VAC14: variants seen among roughly 807,000 people sequenced by gnomAD.
VAC14 encodes the protein VAC14 component of PIKFYVE complex, also known as protein VAC14 homolog.
In VAC14, 47 loss-of-function variants were observed where a neutral mutation model predicts 85.3. The observed-to-expected ratio is 0.55, with a 90% confidence interval of 0.44 to 0.70. The LOEUF (loss-of-function observed/expected upper bound fraction) is 0.70. Among genes scored for constraint, VAC14 ranks in the 30% least tolerant of loss-of-function variants. VAC14 has a pLI of 0.00. For missense variants in VAC14, 861 were observed against 1,004.3 expected, an observed-to-expected ratio of 0.86 and a Z score of 1.93; for synonymous variants, 447 against 430.5, an observed-to-expected ratio of 1.04 and a Z score of -0.47.
intron 13 of VAC14, among the ~76,000 whole-genome samples, chr16:70,736,988 C>A (rs1470384276): frequency 6.6e-6 from 1 of 152,166 alleles, no homozygotes; most frequent in Non-Finnish European, 1.5e-5. Flanking sequence ...GCCTCAGTGG[C>A]CCCCATCGCC....
At chr16:70,782,649 G>A (rs2033869480) in intron 7 of VAC14, among the ~76,000 whole-genome samples, 2 of 152,248 alleles carry the variant, frequency 1.3e-5, no homozygotes, top group African/African-American at 2.4e-5. Context: ...TATGATAAGT[G>A]ACTGCTGTTT....
chr16:70,693,089 A>C, intron 17 of VAC14, 118 bp from the exon 18 acceptor site: 1 of 1,364,452 alleles, frequency 7.3e-7, no homozygotes, highest in Non-Finnish European at 9.8e-7. Flanking sequence ...TGGCACCCAC[A>C]GCCCAAGGAC....
At chr16:70,743,364 C>T (rs2030548071) in intron 13 of VAC14, among the ~76,000 whole-genome samples, 1 of 152,240 alleles carries the variant, frequency 6.6e-6, no homozygotes, top group Non-Finnish European at 1.5e-5. Context: ...AAAAGCTGGC[C>T]ACCCGAGCCA....
intron 14 of VAC14, among the ~76,000 whole-genome samples, chr16:70,727,337 T>C (rs1485854535): frequency 2.0e-5 from 3 of 152,134 alleles, no homozygotes; most frequent in Non-Finnish European, 2.9e-5. Flanking sequence ...TATTTATTTA[T>C]TTATTTTTAT....
chr16:70,736,438 G>T (rs1219443008), intron 13 of VAC14, among the ~76,000 whole-genome samples: 1 of 152,206 alleles, frequency 6.6e-6, no homozygotes, highest in Admixed American at 6.5e-5. Flanking sequence ...AATTCACAGT[G>T]CTCTATCAGG....
intron 13 of VAC14, among the ~76,000 whole-genome samples, chr16:70,743,054 T>TCTAG (rs2030506310): frequency 6.6e-6 from 1 of 151,148 alleles, no homozygotes; most frequent in Admixed American, 6.6e-5. Flanking sequence ...GCACTGTGTG[T>TCTAG]CTAAAGGATT....
chr16:70,773,619 C>T (rs944068232), intron 9 of VAC14, among the ~76,000 whole-genome samples: 2 of 152,106 alleles, frequency 1.3e-5, no homozygotes, highest in African/African-American at 4.8e-5. Context: ...GGAAAAAATT[C>T]CAGACTCCTG....
At chr16:70,720,597 T>A (rs930297998) in intron 14 of VAC14, among the ~76,000 whole-genome samples, 6 of 152,240 alleles carry the variant, frequency 3.9e-5, no homozygotes, top group African/African-American at 1.4e-4. Flanking sequence ...GGATGACTGT[T>A]CTTCCTTCAG....
chr16:70,731,457 G>T (rs369499574), intron 14 of VAC14, 38 bp downstream of exon 14: 1 of 1,596,652 alleles, frequency 6.3e-7, no homozygotes, highest in Non-Finnish European at 8.5e-7. Context: ...AGCCGGGGCC[G>T]TGGGAGGAAG....
intron 1 of VAC14, among the ~76,000 whole-genome samples, chr16:70,799,328 A>G (rs2034671412): frequency 6.6e-6 from 1 of 152,182 alleles, no homozygotes; most frequent in African/African-American, 2.4e-5. Context: ...AGGCATAAAC[A>G]AAAAGCTATA....
intron 14 of VAC14, among the ~76,000 whole-genome samples, chr16:70,724,790 G>T (rs566806832): frequency 1.6e-3 from 247 of 152,340 alleles, no homozygotes; most frequent in Non-Finnish European, 2.9e-3. Flanking sequence ...AGAAGCTTCT[G>T]CTGAGAGGGA....
At chr16:70,753,499 G>A (rs2031571953) in intron 12 of VAC14, among the ~76,000 whole-genome samples, 1 of 152,202 alleles carries the variant, frequency 6.6e-6, no homozygotes. Flanking sequence ...TGAAAACCGG[G>A]GGCCCTGGCT....
At chr16:70,798,101 A>G (rs2034623712) in intron 1 of VAC14, among the ~76,000 whole-genome samples, 1 of 152,222 alleles carries the variant, frequency 6.6e-6, no homozygotes, top group Non-Finnish European at 1.5e-5. Flanking sequence ...TTTACAGATG[A>G]AGAAATTGAG....
At chr16:70,776,478 G>A (rs2033524158) in intron 9 of VAC14, among the ~76,000 whole-genome samples, 1 of 152,128 alleles carries the variant, frequency 6.6e-6, no homozygotes, top group South Asian at 2.1e-4. Context: ...TCTTTCTTCT[G>A]ACTTAAAAGA....
At chr16:70,760,061 T>G (rs186562948) in intron 12 of VAC14, among the ~76,000 whole-genome samples, 8 of 152,134 alleles carry the variant, frequency 5.3e-5, no homozygotes, top group African/African-American at 1.9e-4. Flanking sequence ...GGTAATGACT[T>G]CCTACAGTTA....
chr16:70,715,918 T>C lies in VAC14; in HGVS notation c.1661+15577A>G, dbSNP rs1448094989. On this transcript the variant is annotated intron_variant, in intron 14 of 18. Coordinates refer to ENST00000261776, the MANE Select transcript of VAC14 (RefSeq NM_018052.5). ...CCCTTGTTTTTCCTCAGTAAGCATTTTCAACAAGGTCACAAATGCGCTGGC... is the reference window on the plus strand; with the variant it reads ...CCCTTGTTTTTCCTCAGTAAGCATTCTCAACAAGGTCACAAATGCGCTGGC... The C allele has an allele frequency of 4.6e-5, 7 of 152,340 alleles. No homozygotes were observed. In the East Asian group the frequency reaches 1.3e-3, roughly 29 times the overall value. 9.4% of individuals were successfully genotyped at this position (152,340 alleles called of 1,614,324 possible). A position where few individuals can be genotyped will look rare whatever the true frequency, so the allele number is the denominator to read the frequency against.
chr16:70,779,359 T>G (rs1048179665), intron 9 of VAC14, among the ~76,000 whole-genome samples: 6 of 152,244 alleles, frequency 3.9e-5, no homozygotes, highest in Non-Finnish European at 5.9e-5. Context: ...GTTCCAGACC[T>G]TACTCTGTTA....
intron 9 of VAC14, among the ~76,000 whole-genome samples, chr16:70,774,508 G>A: frequency 6.6e-6 from 1 of 152,112 alleles, no homozygotes; most frequent in East Asian, 1.9e-4. Context: ...CTGTTTTTCT[G>A]TTTGTAATTA....
At chr16:70,727,589 C>T (rs1032633463) in intron 14 of VAC14, among the ~76,000 whole-genome samples, 1 of 152,244 alleles carries the variant, frequency 6.6e-6, no homozygotes, top group African/African-American at 2.4e-5. Flanking sequence ...CCGCACACCT[C>T]GGCCTCCCAA....
Sources: gnomAD v4.1 joint callset for allele counts (sites outside exome capture counted in the v4.1 genomes callset) on GRCh38, gnomAD v4.1.1 for gene constraint, MANE v1.5 for transcripts, NCBI Gene and HGNC (gene_info 2026-07-23, HGNC 2026-07-21) for gene names.